The following NEBL variants were observed in gnomAD, a reference collection of about 807,000 sequenced individuals.
NEBL encodes LIM and SH3 protein 2.
In NEBL, 122 loss-of-function variants were observed where a neutral mutation model predicts 140.2. That is an observed-to-expected ratio of 0.87 (90% CI 0.75 to 1.01). NEBL has a LOEUF of 1.01. Among genes scored for constraint, NEBL ranks in the 50% least tolerant of loss-of-function variants. The pLI is 0.00. For synonymous variants in NEBL, 436 were observed against 398.9 expected (o/e 1.09, Z -1.11); for missense variants, 1,365 against 1,231.3 (o/e 1.11, Z -1.62).
At position 20,896,480 on chromosome 10, in the gene NEBL, A is replaced by G. The variant is rs1189068446; in HGVS notation, c.153+478T>C. Reference sequence around the variant, plus strand: ...ATCCTGAATTGTAAATAAATATTATATGCATATATATATATATATATATAT... The same window carrying G: ...ATCCTGAATTGTAAATAAATATTATGTGCATATATATATATATATATATAT... On this transcript the variant is annotated intron_variant, in intron 2 of 27. Coordinates refer to ENST00000377122, the MANE Select transcript of NEBL (RefSeq NM_006393.3). Among the ~76,000 whole-genome samples, 3 of 92,514 alleles carry G rather than the reference A, an allele frequency of 3.2e-5. 1 individual carries two copies. Among genetic ancestry groups the G allele is most frequent in the Admixed American group, 2.8e-4 (2 of 7,222 alleles). 60.7% of individuals were successfully genotyped at this position (92,514 alleles called of 152,430 possible).
intron 2 of NEBL, among the ~76,000 whole-genome samples, chr10:21,142,215 C>G (rs1164628650): frequency 6.6e-6 from 1 of 152,142 alleles, no homozygotes; most frequent in African/African-American, 2.4e-5. Context: ...GCCAGCCTTT[C>G]TCAGAGACCA....
At position 21,252,822 on chromosome 10, in the gene NEBL, G is replaced by A. The variant is rs191214734; in HGVS notation, n.183-994C>T. On this transcript the variant is annotated intron_variant and non_coding_transcript_variant, in intron 1 of 8. Transcript: ENST00000675702. ...AATACAAAATTAGCCAGGCATGGTG[G>A]CGCATGCCTGTAATCCCAGCTACTT... 5.7e-4 allele frequency among the ~76,000 whole-genome samples: 87 copies of A among 152,286 alleles called. 1 individual carries two copies. Among genetic ancestry groups the A allele is most frequent in the African/African-American group, 2.0e-3 (83 of 41,562 alleles).
At chr10:21,027,237 T>A (rs114674711) in intron 2 of NEBL, among the ~76,000 whole-genome samples, 1 of 151,978 alleles carries the variant, frequency 6.6e-6, no homozygotes, top group East Asian at 1.9e-4. Flanking sequence ...CACAGGCCCC[T>A]TTGTGCGTAA....
Position 21,120,422 on chromosome 10 carries a change from A to ATATT in NEBL, c.164+51960_164+51961insAATA, listed in dbSNP as rs1191813457. ...TATATATATATATATATATATATAT[A>ATATT]TAAATTTGATCACTGGTTTAAAGTA... On this transcript the variant is annotated intron_variant, in intron 2 of 6. Transcript: ENST00000417816. Among the ~76,000 whole-genome samples the ATATT allele has an allele frequency of 5.4e-3, 469 of 87,012 alleles. 27 individuals carry two copies. Among genetic ancestry groups the ATATT allele is most frequent in the African/African-American group, 0.012 (151 of 12,724 alleles). 57.1% of individuals were successfully genotyped at this position (87,012 alleles called of 152,430 possible).
chr10:20,800,699 A>T (rs1837034822), intron 26 of NEBL, among the ~76,000 whole-genome samples: 1 of 143,004 alleles, frequency 7.0e-6, no homozygotes. Context: ...TCACAATAAG[A>T]GAGGTTGCGA....
At chr10:21,029,194 C>T in intron 2 of NEBL, 1 of 1,402,158 alleles carries the variant, frequency 7.1e-7, no homozygotes, top group Non-Finnish European at 1.0e-6. Flanking sequence ...GTATAGGGCG[C>T]CTCCAATTGA....
At chr10:21,264,935 AT>A (rs1454766321) in intron 1 of NEBL, among the ~76,000 whole-genome samples, 2 of 150,454 alleles carry the variant, frequency 1.3e-5, no homozygotes, top group Non-Finnish European at 3.0e-5. Context: ...ATTTTATTTT[AT>A]TTTTATTTTT....
intron 1 of NEBL, among the ~76,000 whole-genome samples, chr10:21,262,178 A>C (rs1465534451): frequency 1.3e-5 from 2 of 152,190 alleles, no homozygotes; most frequent in East Asian, 3.8e-4. Flanking sequence ...AAACTCAACA[A>C]GTGGCTGTCA....
At chr10:20,993,712 G>A (rs1433095028) in intron 3 of NEBL, among the ~76,000 whole-genome samples, 2 of 152,082 alleles carry the variant, frequency 1.3e-5, no homozygotes, top group South Asian at 2.1e-4. Context: ...AACACCAATG[G>A]GGCAACAGTA....
chr10:20,875,308 C>T (rs1265011891), intron 5 of NEBL, among the ~76,000 whole-genome samples: 19 of 152,152 alleles, frequency 1.2e-4, no homozygotes, highest in Non-Finnish European at 1.5e-5. Context: ...TGCATCAATT[C>T]ATTAAATCCT....
At chr10:21,185,763 G>T (rs575212704) in intron 3 of NEBL, among the ~76,000 whole-genome samples, 2 of 152,234 alleles carry the variant, frequency 1.3e-5, no homozygotes, top group African/African-American at 4.8e-5. Flanking sequence ...CTCCCAAAGT[G>T]TTGGGATTAC....
chr10:21,188,242 T>C (rs1841509254), intron 3 of NEBL, among the ~76,000 whole-genome samples: 2 of 152,012 alleles, frequency 1.3e-5, no homozygotes, highest in South Asian at 4.1e-4. Context: ...TGGACGGGAG[T>C]AGCAACTTTC....
At chr10:21,031,151 G>C (rs1234125523) in intron 2 of NEBL, among the ~76,000 whole-genome samples, 1 of 152,252 alleles carries the variant, frequency 6.6e-6, no homozygotes, top group Non-Finnish European at 1.5e-5. Flanking sequence ...TTTAAGCCCA[G>C]AAGTAGTGAG....
rs57918610 is a variant in NEBL, at chr10:20,888,214, GA to G, written c.259-8del. ...TGGTGCCTTTGTATTTTGCCTGGGG[GA>G]AAAAAAAACAGGAAAAAAATAAATA... On this transcript the variant is annotated splice_polypyrimidine_tract_variant and splice_region_variant and intron_variant, in intron 3 of 27. Coordinates refer to ENST00000377122, the MANE Select transcript of NEBL (RefSeq NM_006393.3). 3,640 of 1,403,682 alleles carry G rather than the reference GA, an allele frequency of 2.6e-3. 44 individuals carry two copies. The African/African-American group carries it at 0.037, about 14-fold the overall frequency. The allele number at this position is 1,403,682 out of a possible 1,614,324, so 87.0% of individuals were successfully genotyped here.
chr10:21,211,203 G>A (rs1297274663), intron 3 of NEBL, among the ~76,000 whole-genome samples: 1 of 152,214 alleles, frequency 6.6e-6, no homozygotes, highest in East Asian at 1.9e-4. Flanking sequence ...CATTGGCCGA[G>A]TGCAACAGCT....
chr10:21,220,015 C>G lies in NEBL; in HGVS notation n.348+27906G>C, dbSNP rs572619807. On this transcript the variant is annotated intron_variant and non_coding_transcript_variant, in intron 3 of 8. Coordinates refer to the NEBL transcript ENST00000675702. ...TGCAACCTCCACCTCCCAGTTCAAG[C>G]AATTCTCCTACCTCAGCCTCCCAAG... is the stretch of plus-strand genomic sequence containing the variant. Among the ~76,000 whole-genome samples, 5 of 152,106 alleles carry G rather than the reference C, an allele frequency of 3.3e-5. No homozygotes were observed. In the East Asian group the frequency reaches 9.7e-4, roughly 29 times the overall value.
Position 20,780,985 on chromosome 10 carries a change from A to C in NEBL, c.*4762T>G, listed in dbSNP as rs1334752859. Reference sequence around the variant, plus strand: ...GATGCTAGGCTTAATGTGTCATTTCAATGCTGTTGTACATTATGCAGGGGA... The same window carrying C: ...GATGCTAGGCTTAATGTGTCATTTCCATGCTGTTGTACATTATGCAGGGGA... On this transcript the variant is annotated 3_prime_UTR_variant, in exon 28 of 28. Coordinates refer to ENST00000377122, the MANE Select transcript of NEBL (RefSeq NM_006393.3). The C allele has an allele frequency of 6.6e-6, 1 of 152,252 alleles. No individual in the cohort carries two copies. The highest frequency in any genetic ancestry group is 2.4e-5 in the African/African-American group (1 of 41,460). 9.4% of individuals were successfully genotyped at this position (152,252 alleles called of 1,614,324 possible). A position where few individuals can be genotyped will look rare whatever the true frequency, so the allele number is the denominator to read the frequency against.
intron 3 of NEBL, among the ~76,000 whole-genome samples, chr10:20,981,885 C>G (rs1837059954): frequency 6.6e-6 from 1 of 152,204 alleles, no homozygotes; most frequent in Admixed American, 6.5e-5. Context: ...CCAGTTTCAC[C>G]TCCCTGGACT....
chr10:20,897,183 TC>T lies in NEBL; in HGVS notation c.22del (p.Asp8IlefsTer2), dbSNP rs1206333809. 1 of 1,603,870 alleles carries T rather than the reference TC, an allele frequency of 6.2e-7. No homozygotes were observed. The highest frequency in any genetic ancestry group is 1.3e-5 in the African/African-American group (1 of 74,734). On this transcript the variant is annotated frameshift_variant, in exon 1 of 28. Coordinates refer to ENST00000377122, the MANE Select transcript of NEBL (RefSeq NM_006393.3). LOFTEE classifies it high-confidence loss of function. ...TTCTTCTTCAGTTTCATCTTTTATATCCTCAAATACAGGGACCCTCATTTTT... is the reference window on the plus strand; with the variant it reads ...TTCTTCTTCAGTTTCATCTTTTATATCTCAAATACAGGGACCCTCATTTTT... MRVPVFE[D>X]IKDETEEEKI...
Sources: allele counts gnomAD v4.1 joint callset (sites outside exome capture counted in the v4.1 genomes callset), GRCh38; gene constraint gnomAD v4.1.1; transcripts MANE v1.5; gene names NCBI Gene and HGNC (gene_info 2026-07-23, HGNC 2026-07-21).